ELF4: variants seen among roughly 807,000 people sequenced by gnomAD.
ELF4 encodes the protein E74 like ETS transcription factor 4.
In ELF4, 10 loss-of-function variants were observed where a neutral mutation model predicts 31.7. The ratio of observed to expected loss-of-function variants is 0.32; its 90% confidence interval spans 0.19 to 0.54. ELF4 has a LOEUF of 0.54. Ranked by LOEUF, ELF4 falls within the 20% of genes least tolerant of loss-of-function variation. The pLI, the probability that ELF4 is intolerant of heterozygous loss-of-function variation, is 0.95. For synonymous variants in ELF4, 208 were observed against 226.7 expected (o/e 0.92, Z 0.74); for missense variants, 418 against 522.0 (o/e 0.80, Z 1.94).
chrX:130,099,707 C>T (rs768437385), intron 1 of ELF4, among the ~76,000 whole-genome samples: 10 of 110,892 alleles, frequency 9.0e-5, no homozygotes, highest in African/African-American at 2.9e-4. Flanking sequence ...AGTGCTATCT[C>T]GGCTCACGGC....
chrX:130,073,792 G>A (rs981301538), intron 4 of ELF4, among the ~76,000 whole-genome samples: 32 of 112,919 alleles, frequency 2.8e-4, no homozygotes, highest in Non-Finnish European at 1.3e-4. Flanking sequence ...GATTACAGGC[G>A]TGAGCCACCG....
In ELF4 at chrX:130,064,048, GGTTT is replaced by G. The variant is rs1932611941; in HGVS notation, c.*2669_*2672del. Among the ~76,000 whole-genome samples, 1 of 107,696 alleles carries G rather than the reference GGTTT, an allele frequency of 9.3e-6. No individual in the cohort carries two copies. Among genetic ancestry groups the G allele is most frequent in the Non-Finnish European group, 1.9e-5 (1 of 52,175 alleles). 93.5% of individuals were successfully genotyped at this position (107,696 alleles called of 115,157 possible). ...CTGGGATACATGTGCAGAACGTGCA[GGTTT>G]GTTACATAGGTATACATGTGCCATG... On this transcript the variant is annotated 3_prime_UTR_variant, in exon 9 of 9. Coordinates refer to ENST00000308167, the MANE Select transcript of ELF4 (RefSeq NM_001421.4).
intron 1 of ELF4, among the ~76,000 whole-genome samples, chrX:130,102,532 G>C (rs1933280327): frequency 9.0e-6 from 1 of 110,869 alleles, no homozygotes; most frequent in African/African-American, 3.3e-5. Context: ...AGAAAAAAAA[G>C]GCTGGGTGCA....
intron 1 of ELF4, among the ~76,000 whole-genome samples, chrX:130,094,556 A>C (rs1603208269): frequency 9.6e-6 from 1 of 103,959 alleles, no homozygotes; most frequent in Non-Finnish European, 2.0e-5. Flanking sequence ...GACAGAGGAG[A>C]CTCCATCTCA....
rs1461023395 is a variant in ELF4 at position 130,064,096 on chromosome X, C to T, written c.*2625G>A. ...TGCCATGGTGGTTTGCTGCACCCAT[C>T]AACCCGTCATCTTGGAAAGGTTTTT... is the stretch of plus-strand genomic sequence containing the variant. On this transcript the variant is annotated 3_prime_UTR_variant, in exon 9 of 9. Coordinates refer to ENST00000308167, the MANE Select transcript of ELF4 (RefSeq NM_001421.4). Among the ~76,000 whole-genome samples, 1 of 109,094 alleles carries T rather than the reference C, an allele frequency of 9.2e-6. No homozygotes were observed. The highest frequency in any genetic ancestry group is 1.9e-5 in the Non-Finnish European group (1 of 52,588). The allele number at this position is 109,094 out of a possible 115,157, so 94.7% of individuals were successfully genotyped here.
At chrX:130,106,468 C>T (rs1933381408) in intron 1 of ELF4, among the ~76,000 whole-genome samples, 1 of 111,467 alleles carries the variant, frequency 9.0e-6, no homozygotes, top group East Asian at 2.8e-4. Context: ...CTCATAAGCA[C>T]CCCGACCAGC....
Position 130,102,941 on chromosome X carries a change from AG to A in ELF4, c.-210+7383del, listed in dbSNP as rs59559875. Among the ~76,000 whole-genome samples, 549 of 89,527 alleles carry A rather than the reference AG, an allele frequency of 6.1e-3. 17 individuals are homozygous for A. The highest frequency in any genetic ancestry group is 0.025 in the African/African-American group (484 of 19,213). The allele number at this position is 89,527 out of a possible 115,157, so 77.7% of individuals were successfully genotyped here. A position where few individuals can be genotyped will look rare whatever the true frequency, so the allele number is the denominator to read the frequency against. ...AAGAAAGAGAGAGAAGGAGGGAGGG[AG>A]GAAGGAAGGAAGGGAGGGAGGAAGG... On this transcript the variant is annotated intron_variant, in intron 1 of 8. Coordinates refer to ENST00000308167, the MANE Select transcript of ELF4 (RefSeq NM_001421.4).
chrX:130,077,652 G>A, intron 2 of ELF4, among the ~76,000 whole-genome samples: 1 of 112,407 alleles, frequency 8.9e-6, no homozygotes, highest in African/African-American at 3.2e-5. Flanking sequence ...CTGGGCTTGA[G>A]ACCAAACTCT....
At chrX:130,098,071 C>T (rs753720512) in intron 1 of ELF4, among the ~76,000 whole-genome samples, 156 of 112,339 alleles carry the variant, frequency 1.4e-3, no homozygotes, top group African/African-American at 4.9e-3. Flanking sequence ...CCTACCTGCT[C>T]TTTCGTCACT....
At chrX:130,102,884 G>GAAAGAAAA (rs59747310) in intron 1 of ELF4, among the ~76,000 whole-genome samples, 1 of 43,737 alleles carries the variant, frequency 2.3e-5, no homozygotes, top group Non-Finnish European at 3.9e-5. Flanking sequence ...GAGAGAGAGA[G>GAAAGAAAA]AGAAAGAAAG....
intron 1 of ELF4, among the ~76,000 whole-genome samples, chrX:130,087,797 C>T (rs907960240): frequency 8.9e-6 from 1 of 112,133 alleles, no homozygotes; most frequent in African/African-American, 3.2e-5. Flanking sequence ...TGGTCTGATT[C>T]GTTACTCTGG....
chrX:130,064,175 C>G lies in ELF4; in HGVS notation c.*2546G>C, dbSNP rs1385762173. Among the ~76,000 whole-genome samples, 1 of 110,764 alleles carries G rather than the reference C, an allele frequency of 9.0e-6. No homozygotes were observed. Among genetic ancestry groups the G allele is most frequent in the African/African-American group, 3.3e-5 (1 of 30,470 alleles). Reference sequence around the variant, plus strand: ...ATTGTTGGCCAGCCGTGGTTGCTCACGCCTGTAATCCCAGCACTTTGGGAG... The same window carrying G: ...ATTGTTGGCCAGCCGTGGTTGCTCAGGCCTGTAATCCCAGCACTTTGGGAG... On this transcript the variant is annotated 3_prime_UTR_variant, in exon 9 of 9. Coordinates refer to ENST00000308167, the MANE Select transcript of ELF4 (RefSeq NM_001421.4).
At position 130,066,814 on chromosome X, in the gene ELF4, T is replaced by C. The variant is rs1270967774; in HGVS notation, c.1899A>G (p.Thr633=). ...GGGATCTTGTCAGAAGGCTCCCAGATGTGGTCACACTAGGCTCAGCCATCA... is the reference window on the plus strand; with the variant it reads ...GGGATCTTGTCAGAAGGCTCCCAGACGTGGTCACACTAGGCTCAGCCATCA... ...SLLMAEPSVT[T]SGSLLTRSPT... is the part of the protein sequence containing the mutation. The change falls in exon 9 of 9, where the codon ACA becomes ACG. Residue 633 remains threonine (T), a synonymous_variant. Coordinates refer to ENST00000308167, the MANE Select transcript of ELF4 (RefSeq NM_001421.4). 3 of 1,207,785 alleles carry C rather than the reference T, an allele frequency of 2.5e-6. No homozygotes were observed. The African/African-American group carries it at 5.2e-5, about 21-fold the overall frequency.
upstream of ELF4, among the ~76,000 whole-genome samples, chrX:130,111,605 G>T (rs1246565045): frequency 8.9e-6 from 1 of 112,217 alleles, no homozygotes; most frequent in Non-Finnish European, 1.9e-5. Context: ...CCTGCGGGAA[G>T]TTGGGGTGGG....
chrX:130,072,365 C>G lies in ELF4; in HGVS notation c.393G>C (p.Leu131=). The G allele has an allele frequency of 8.2e-7, 1 of 1,212,251 alleles. No individual in the cohort carries two copies. Residue 131 remains leucine, a synonymous_variant, in exon 5 of 9, where the codon CTG becomes CTC. Transcript: ENST00000308167. ...CAGAGGCAGGAAACAGGTAGTTGGG[C>G]AGAGTGACAGCTGGTGCAGGGTCCG... is the stretch of plus-strand genomic sequence containing the variant. The part of the protein sequence containing the change: ...PDSDPAPAVT[L]PNYLFPASEP...
At chrX:130,070,940 A>C in intron 7 of ELF4, 100 bp downstream of exon 7, 2 of 1,101,973 alleles carry the variant, frequency 1.8e-6, no homozygotes, top group South Asian at 1.8e-5. Flanking sequence ...TTTCCTTAGG[A>C]TCAATCAGGT....
intron 1 of ELF4, among the ~76,000 whole-genome samples, chrX:130,094,677 G>A (rs972980746): frequency 5.4e-5 from 6 of 110,667 alleles, no homozygotes; most frequent in Non-Finnish European, 7.6e-5. Flanking sequence ...ATAGGGCCCC[G>A]CCGCCCCTGA....
At position 130,066,611 on chromosome X, in the gene ELF4, TG is replaced by T; in HGVS notation, c.*109del. On this transcript the variant is annotated 3_prime_UTR_variant, in exon 9 of 9. Coordinates refer to ENST00000308167, the MANE Select transcript of ELF4 (RefSeq NM_001421.4). ...CAGGGCCGGGGGACTTGGGGTCAAG[TG>T]TATTGACATCCCACTGAAATGCAGG... 1 of 846,933 alleles carries T rather than the reference TG, an allele frequency of 1.2e-6. No homozygotes were observed. Among genetic ancestry groups the T allele is most frequent in the Non-Finnish European group, 1.7e-6 (1 of 579,680 alleles). 69.8% of individuals were successfully genotyped at this position (846,933 alleles called of 1,213,427 possible). A position where few individuals can be genotyped will look rare whatever the true frequency, so the allele number is the denominator to read the frequency against.
chrX:130,082,796 T>C (rs1157135100), intron 1 of ELF4, among the ~76,000 whole-genome samples: 1 of 110,948 alleles, frequency 9.0e-6, no homozygotes, highest in Admixed American at 9.5e-5. Context: ...GCGCCACGTC[T>C]TTGGTCCCCT....
Sources: gnomAD v4.1 joint callset for allele counts (sites outside exome capture counted in the v4.1 genomes callset) on GRCh38, gnomAD v4.1.1 for gene constraint, MANE v1.5 for transcripts, NCBI Gene and HGNC (gene_info 2026-07-23, HGNC 2026-07-21) for gene names.